Variants in MPPED2 observed in about 807,000 individuals in gnomAD.
MPPED2 encodes metallophosphoesterase MPPED2.
Under a neutral mutation model 33.0 loss-of-function variants are expected in MPPED2, and 5 were observed. The observed-to-expected ratio is 0.15, with a 90% CI of 0.08 to 0.32. MPPED2 has a LOEUF of 0.32. MPPED2 is among the 10% of genes least tolerant of loss of function. The probability of loss-of-function intolerance (pLI) is 1.00; values close to 1 mark genes in which losing one functional copy is unlikely to be tolerated. For missense variants in MPPED2, 275 were observed against 372.1 expected (o/e 0.74, Z 2.15); for synonymous variants, 136 against 141.9 (o/e 0.96, Z 0.29).
chr11:30,581,210 C>A (rs569098158), intron 1 of MPPED2, among the ~76,000 whole-genome samples: 8 of 152,280 alleles, frequency 5.3e-5, no homozygotes, highest in South Asian at 2.1e-4. Flanking sequence ...TGAATGCATT[C>A]ATTACCTCCC....
chr11:30,585,874 C>T (rs1338301758), intron 1 of MPPED2, among the ~76,000 whole-genome samples, 168 bp downstream of exon 1: 2 of 152,208 alleles, frequency 1.3e-5, no homozygotes, highest in Non-Finnish European at 2.9e-5. Flanking sequence ...CGGGGCAGCC[C>T]GGGTCCGCAG....
intron 4 of MPPED2, among the ~76,000 whole-genome samples, chr11:30,490,755 T>C (rs545266551): frequency 6.6e-6 from 1 of 152,266 alleles, no homozygotes; most frequent in South Asian, 2.1e-4. Flanking sequence ...AAAACACTAC[T>C]TTAATTCTCC....
chr11:30,479,687 A>G (rs1951391034), intron 4 of MPPED2, among the ~76,000 whole-genome samples: 1 of 152,172 alleles, frequency 6.6e-6, no homozygotes, highest in Non-Finnish European at 1.5e-5. Flanking sequence ...AAAATCTGAT[A>G]TCACTAATAA....
chr11:30,519,356 A>C (rs1953720233), intron 3 of MPPED2, among the ~76,000 whole-genome samples: 1 of 151,914 alleles, frequency 6.6e-6, no homozygotes, highest in Non-Finnish European at 1.5e-5. Context: ...GTATGTGCAT[A>C]TATATATACA....
At chr11:30,411,703 A>C in intron 6 of MPPED2, 117 bp from the exon 7 acceptor site, 1 of 625,736 alleles carries the variant, frequency 1.6e-6, no homozygotes, top group Non-Finnish European at 2.6e-6. Flanking sequence ...GATGAAATTC[A>C]GTTGAGCCTC....
chr11:30,495,015 G>A, intron 4 of MPPED2: 1 of 362,738 alleles, frequency 2.8e-6, no homozygotes, highest in Non-Finnish European at 5.0e-6. Flanking sequence ...TTTTATCAGT[G>A]GGAGGTCCTG....
At chr11:30,557,378 T>G (rs529313967) in intron 2 of MPPED2, among the ~76,000 whole-genome samples, 1 of 151,984 alleles carries the variant, frequency 6.6e-6, no homozygotes, top group African/African-American at 2.4e-5. Context: ...AATATAAGAA[T>G]TCAAATATAC....
chr11:30,490,983 C>T (rs947125483), intron 4 of MPPED2, among the ~76,000 whole-genome samples: 3 of 152,134 alleles, frequency 2.0e-5, no homozygotes, highest in African/African-American at 7.2e-5. Context: ...AAACCACTAG[C>T]GGTATCAGCA....
chr11:30,439,049 A>G (rs1565068666), intron 4 of MPPED2, among the ~76,000 whole-genome samples: 1 of 152,208 alleles, frequency 6.6e-6, no homozygotes, highest in Non-Finnish European at 1.5e-5. Context: ...AAACTCATAG[A>G]AAGATGTGGA....
At chr11:30,420,343 C>G (rs936258853) in intron 4 of MPPED2, among the ~76,000 whole-genome samples, 1 of 152,124 alleles carries the variant, frequency 6.6e-6, no homozygotes, top group Non-Finnish European at 1.5e-5. Context: ...GGAAAAGTTA[C>G]GAAAAACCCA....
intron 2 of MPPED2, among the ~76,000 whole-genome samples, chr11:30,556,931 G>C (rs1387118850): frequency 1.3e-5 from 2 of 151,968 alleles, no homozygotes; most frequent in East Asian, 3.9e-4. Flanking sequence ...CCCAAAAGCA[G>C]TGTTGAACCA....
At chr11:30,475,339 T>C (rs1951135717) in intron 4 of MPPED2, among the ~76,000 whole-genome samples, 1 of 152,160 alleles carries the variant, frequency 6.6e-6, no homozygotes, top group Non-Finnish European at 1.5e-5. Flanking sequence ...TTGTACAACT[T>C]TATAAAATGT....
chr11:30,435,468 G>A (rs112897806), intron 4 of MPPED2, among the ~76,000 whole-genome samples: 24 of 152,320 alleles, frequency 1.6e-4, no homozygotes, highest in African/African-American at 5.8e-4. Context: ...GATCACAGTG[G>A]CTATACATTT....
At chr11:30,562,233 G>A (rs1221015894) in intron 2 of MPPED2, among the ~76,000 whole-genome samples, 2 of 152,138 alleles carry the variant, frequency 1.3e-5, no homozygotes. Context: ...TGCTGTCCAA[G>A]TGTGCACAGG....
chr11:30,432,993 G>A lies in MPPED2; in HGVS notation c.537-15360C>T, dbSNP rs12270853. Among the ~76,000 whole-genome samples the A allele has an allele frequency of 6.7e-3, 1,026 of 152,296 alleles. 9 individuals are homozygous for A. The highest frequency in any genetic ancestry group is 0.024 in the African/African-American group (981 of 41,550). On this transcript the variant is annotated intron_variant, in intron 4 of 6. Transcript: ENST00000358117. ...CTTCAGCTTTTGATACTAGGCACAT[G>A]TTTCTCCTTGCACTGTTCTGATGGG...
chr11:30,423,583 G>A lies in MPPED2; in HGVS notation c.537-5950C>T, dbSNP rs75379611. The stretch of plus-strand genomic sequence containing the variant: ...TAGCCATTCTTATTTTGAAGGCAAC[G>A]GTTAAGAGCATGGATTATGGAGTCA... On this transcript the variant is annotated intron_variant, in intron 4 of 6. Coordinates refer to ENST00000358117, the MANE Select transcript of MPPED2 (RefSeq NM_001584.3). Among the ~76,000 whole-genome samples the A allele has an allele frequency of 7.9e-3, 1,207 of 152,260 alleles. 19 individuals carry two copies. The highest frequency in any genetic ancestry group is 0.028 in the African/African-American group (1,158 of 41,560).
chr11:30,540,231 C>T (rs1955023675), intron 2 of MPPED2, among the ~76,000 whole-genome samples: 1 of 152,312 alleles, frequency 6.6e-6, no homozygotes, highest in South Asian at 2.1e-4. Flanking sequence ...CTATCAAGTA[C>T]AGCATCTGAC....
At chr11:30,561,382 T>C (rs917183085) in intron 2 of MPPED2, among the ~76,000 whole-genome samples, 2 of 152,210 alleles carry the variant, frequency 1.3e-5, no homozygotes, top group Non-Finnish European at 2.9e-5. Flanking sequence ...TTCAACTTAA[T>C]GTGAAGTTCA....
rs141564993 is a variant in MPPED2 at position 30,421,501 on chromosome 11, C to A, written c.537-3868G>T. On this transcript the variant is annotated intron_variant, in intron 4 of 6. Transcript: ENST00000358117. ...AAAAAAAAAAAAACATTTATCATGG[C>A]CTTGATGTGCTTTTACCTAGAGCTT... is the stretch of plus-strand genomic sequence containing the variant. Among the ~76,000 whole-genome samples, 318 of 151,944 alleles carry A rather than the reference C, an allele frequency of 2.1e-3. 6 individuals are homozygous for A. Among genetic ancestry groups the A allele is most frequent in the African/African-American group, 6.9e-3 (288 of 41,442 alleles).
Sources: allele counts gnomAD v4.1 joint callset (sites outside exome capture counted in the v4.1 genomes callset), GRCh38; gene constraint gnomAD v4.1.1; transcripts MANE v1.5; gene names NCBI Gene and HGNC (gene_info 2026-07-23, HGNC 2026-07-21).